Variants in ASXL3 observed in about 807,000 individuals in gnomAD.
The protein encoded by ASXL3 is ASXL transcriptional regulator 3.
A neutral mutation model predicts 170.6 loss-of-function variants in ASXL3; 34 were observed. The ratio of observed to expected loss-of-function variants is 0.20; its 90% CI spans 0.15 to 0.27. The LOEUF (loss-of-function observed/expected upper bound fraction) is 0.27, where lower values mean the gene tolerates loss of function less well. Among genes scored for constraint, ASXL3 ranks in the 10% least tolerant of loss-of-function variants. The probability of loss-of-function intolerance (pLI) is 1.00; values close to 1 mark genes in which losing one functional copy is unlikely to be tolerated. For synonymous variants in ASXL3, 1,002 were observed against 989.1 expected, an observed-to-expected ratio of 1.01 and a Z score of -0.24; for missense variants, 2,592 against 2,695.3, an observed-to-expected ratio of 0.96 and a Z score of 0.85.
chr18:33,650,246 A>G (rs1228121864), intron 4 of ASXL3, among the ~76,000 whole-genome samples: 4 of 152,148 alleles, frequency 2.6e-5, no homozygotes, highest in Admixed American at 1.3e-4. Flanking sequence ...GCAGATAAGT[A>G]CAGTAGGTTG....
intron 4 of ASXL3, among the ~76,000 whole-genome samples, chr18:33,654,925 A>G (rs2066059771): frequency 1.3e-5 from 2 of 152,204 alleles, no homozygotes; most frequent in African/African-American, 2.4e-5. Flanking sequence ...AGATAATAGT[A>G]TAACTAAATT....
chr18:33,718,277 T>C (rs1298742791), intron 8 of ASXL3, among the ~76,000 whole-genome samples: 8 of 152,118 alleles, frequency 5.3e-5, no homozygotes, highest in African/African-American at 1.9e-4. Flanking sequence ...CATAGACCCA[T>C]ATCCCATACA....
intron 2 of ASXL3, 38 bp downstream of exon 2, chr18:33,607,714 AAAT>A: frequency 6.8e-7 from 1 of 1,468,714 alleles, no homozygotes; most frequent in Non-Finnish European, 9.3e-7. Flanking sequence ...TGTTTTCATT[AAAT>A]AATAATTGCC....
intron 7 of ASXL3, among the ~76,000 whole-genome samples, chr18:33,674,537 A>G (rs2066395077): frequency 6.6e-6 from 1 of 152,202 alleles, no homozygotes; most frequent in African/African-American, 2.4e-5. Context: ...AAAGTTTCCA[A>G]TATATGCCCA....
In ASXL3 at chr18:33,578,458, CCCG is replaced by C. The variant is rs552419485; in HGVS notation, c.-135_-133del. On this transcript the variant is annotated 5_prime_UTR_variant, in exon 1 of 12. Coordinates refer to ENST00000269197, the MANE Select transcript of ASXL3 (RefSeq NM_030632.3). ...CCACCCCCTCGCTCCATCCCTCCCA[CCCG>C]CCGCCGCCGCCGCCGCCGCCGCCGC... The C allele has an allele frequency of 0.55, 51,115 of 93,656 alleles. 13,990 individuals carry two copies. Among genetic ancestry groups the C allele is most frequent in the East Asian group, 0.71 (2,083 of 2,914 alleles). The allele number at this position is 93,656 out of a possible 1,614,324, so 5.8% of individuals were successfully genotyped here.
Position 33,746,791 on chromosome 18 carries a change from C to A in ASXL3, c.*196C>A. ...GCATCCCAACTGAATGGCTCACTGGCATGTCTTTTATGTGTTCAGTTGCCA... is the reference window on the plus strand; with the variant it reads ...GCATCCCAACTGAATGGCTCACTGGAATGTCTTTTATGTGTTCAGTTGCCA... On this transcript the variant is annotated 3_prime_UTR_variant, in exon 12 of 12. Coordinates refer to ENST00000269197, the MANE Select transcript of ASXL3 (RefSeq NM_030632.3). The A allele has an allele frequency of 3.5e-6, 3 of 865,866 alleles. No homozygotes were observed. Among genetic ancestry groups the A allele is most frequent in the East Asian group, 2.8e-5 (1 of 35,692 alleles). 53.6% of individuals were successfully genotyped at this position (865,866 alleles called of 1,614,324 possible). A position where few individuals can be genotyped will look rare whatever the true frequency, so the allele number is the denominator to read the frequency against.
In ASXL3 at chr18:33,698,091, T is replaced by C. The variant is rs182730766; in HGVS notation, c.879+14523T>C. ...TGGATTTAAATGTTGGAACTTGAACTCCAAGCTGATGTTATCAAGAGATGT... is the reference window on the plus strand; with the variant it reads ...TGGATTTAAATGTTGGAACTTGAACCCCAAGCTGATGTTATCAAGAGATGT... On this transcript the variant is annotated intron_variant, in intron 8 of 11. Transcript: ENST00000269197. 2.0e-5 allele frequency among the ~76,000 whole-genome samples: 3 copies of C among 152,212 alleles called. No individual in the cohort carries two copies. The East Asian group carries it at 5.8e-4, about 30-fold the overall frequency.
At chr18:33,689,479 G>A (rs191612678) in intron 8 of ASXL3, among the ~76,000 whole-genome samples, 18 of 152,310 alleles carry the variant, frequency 1.2e-4, no homozygotes, top group Admixed American at 4.6e-4. Flanking sequence ...ACTGCATTGA[G>A]TTGTCATGTC....
chr18:33,746,226 G>C lies in ASXL3; in HGVS notation c.6378G>C (p.Leu2126Phe). The change falls in exon 12 of 12, where the codon TTG (leucine) becomes TTC (phenylalanine). Residue 2126 changes from leucine (L) to phenylalanine (F), a missense_variant. Transcript: ENST00000269197. ...ALKSADFSSY[L>F]LSEPQKPFTQ... ...AAAGTGCAGATTTCTCTTCCTATTT[G>C]CTTTCTGAGCCACAAAAGCCTTTTA... 1 of 1,613,884 alleles carries C rather than the reference G, an allele frequency of 6.2e-7. No individual in the cohort carries two copies. Among genetic ancestry groups the C allele is most frequent in the Non-Finnish European group, 8.5e-7 (1 of 1,179,870 alleles).
intron 1 of ASXL3, among the ~76,000 whole-genome samples, chr18:33,596,874 G>A (rs1489918705): frequency 6.6e-6 from 1 of 152,084 alleles, no homozygotes; most frequent in Non-Finnish European, 1.5e-5. Flanking sequence ...GGAGTGCAGT[G>A]GCATGATCTT....
At chr18:33,661,531 T>C in intron 4 of ASXL3, 85 bp from the exon 5 acceptor site, 1 of 1,336,250 alleles carries the variant, frequency 7.5e-7, no homozygotes, top group Non-Finnish European at 1.0e-6. Context: ...CATTTTCAAT[T>C]GCAGAAAAGC....
chr18:33,640,550 T>C (rs2065830414), intron 2 of ASXL3, among the ~76,000 whole-genome samples: 2 of 152,096 alleles, frequency 1.3e-5, no homozygotes. Context: ...TATTAATGTT[T>C]TAACATTCAA....
At chr18:33,664,355 C>G (rs916960733) in intron 5 of ASXL3, among the ~76,000 whole-genome samples, 1 of 152,086 alleles carries the variant, frequency 6.6e-6, no homozygotes, top group African/African-American at 2.4e-5. Context: ...CCAAGAAAAT[C>G]TACATACTTG....
intron 4 of ASXL3, among the ~76,000 whole-genome samples, chr18:33,657,175 G>C (rs1231764521): frequency 6.6e-6 from 1 of 152,066 alleles, no homozygotes; most frequent in Non-Finnish European, 1.5e-5. Flanking sequence ...AGAAGCTTTG[G>C]GGGAAGCTGT....
At chr18:33,713,360 T>C (rs9947381) in intron 8 of ASXL3, among the ~76,000 whole-genome samples, 98,425 of 138,898 alleles carry the variant, frequency 0.71, 36,712 homozygotes, top group East Asian at 0.98. Flanking sequence ...CGGGTTCAAG[T>C]GATTCTCCTG....
intron 1 of ASXL3, among the ~76,000 whole-genome samples, chr18:33,591,576 A>G (rs1280194230): frequency 6.6e-6 from 1 of 152,214 alleles, no homozygotes; most frequent in Non-Finnish European, 1.5e-5. Flanking sequence ...GTCAGCAGGA[A>G]AAAGAAAAAT....
intron 8 of ASXL3, among the ~76,000 whole-genome samples, chr18:33,720,224 A>T (rs542640734): frequency 6.6e-6 from 1 of 152,204 alleles, no homozygotes; most frequent in African/African-American, 2.4e-5. Flanking sequence ...CTCTTGGATC[A>T]GCAGAAGCTG....
chr18:33,652,617 G>A (rs75209839), intron 4 of ASXL3, among the ~76,000 whole-genome samples: 2,279 of 61,794 alleles, frequency 0.037, 4 homozygotes, highest in East Asian at 0.09. Context: ...AAAAAAAAAA[G>A]AACATGAATC....
intron 1 of ASXL3, among the ~76,000 whole-genome samples, chr18:33,603,152 C>T (rs573750454): frequency 5.3e-5 from 8 of 152,016 alleles, no homozygotes; most frequent in African/African-American, 1.7e-4. Context: ...TTATTTTGGG[C>T]CAGAAGGGCA....
Sources: gnomAD v4.1 joint callset for allele counts (sites outside exome capture counted in the v4.1 genomes callset) on GRCh38, gnomAD v4.1.1 for gene constraint, MANE v1.5 for transcripts, NCBI Gene and HGNC (gene_info 2026-07-23, HGNC 2026-07-21) for gene names.